Variants in DDX10 observed in about 807,000 individuals in gnomAD.
DDX10 encodes DEAD-box helicase 10.
A neutral mutation model predicts 104.3 loss-of-function variants in DDX10; 74 were observed. That is an observed-to-expected ratio of 0.71 (90% CI 0.59 to 0.86). DDX10 has a LOEUF of 0.86. Ranked by LOEUF, DDX10 falls within the 40% of genes least tolerant of loss-of-function variation. DDX10 has a pLI of 0.00. For missense variants in DDX10, 952 were observed against 1,040.0 expected, an observed-to-expected ratio of 0.92 and a Z score of 1.16; for synonymous variants, 351 against 353.4, an observed-to-expected ratio of 0.99 and a Z score of 0.08.
chr11:108,682,012 T>C (rs2094235987), intron 6 of DDX10, among the ~76,000 whole-genome samples: 1 of 152,230 alleles, frequency 6.6e-6, no homozygotes, highest in Non-Finnish European at 1.5e-5. Flanking sequence ...TAATTATTTA[T>C]TTGTAATACG....
intron 15 of DDX10, among the ~76,000 whole-genome samples, chr11:108,850,486 G>A (rs750464560): frequency 1.3e-5 from 2 of 152,090 alleles, no homozygotes; most frequent in Admixed American, 1.3e-4. Context: ...CTGATGTGTT[G>A]GAGGAAGATC....
intron 13 of DDX10, among the ~76,000 whole-genome samples, chr11:108,748,227 A>G (rs1016721811): frequency 6.6e-6 from 1 of 152,196 alleles, no homozygotes; most frequent in Non-Finnish European, 1.5e-5. Context: ...GGTCTGGGGA[A>G]CACAGAGATA....
intron 15 of DDX10, among the ~76,000 whole-genome samples, chr11:108,842,776 A>G (rs950467977): frequency 2.0e-5 from 3 of 152,232 alleles, no homozygotes; most frequent in African/African-American, 7.2e-5. Context: ...TATTAAGAGT[A>G]TCAGGAGCTT....
Position 108,797,966 on chromosome 11 carries a change from G to A in DDX10, c.1966-40480G>A, listed in dbSNP as rs562252911. Among the ~76,000 whole-genome samples the A allele has an allele frequency of 4.6e-5, 7 of 152,240 alleles. No homozygotes were observed. The South Asian group carries it at 1.5e-3, about 32-fold the overall frequency. On this transcript the variant is annotated intron_variant, in intron 13 of 17. Coordinates refer to ENST00000322536, the MANE Select transcript of DDX10 (RefSeq NM_004398.4). The stretch of plus-strand genomic sequence containing the variant: ...AGGCTGCATCCTTCCTCTTACCCAT[G>A]GTAGAAACCGCAGTCTCCTCTTCGA...
At chr11:108,868,736 A>G (rs1423043376) in intron 16 of DDX10, among the ~76,000 whole-genome samples, 3 of 152,074 alleles carry the variant, frequency 2.0e-5, no homozygotes, top group African/African-American at 7.2e-5. Flanking sequence ...AAGTCCTTGA[A>G]TTTGTGTCGG....
At chr11:108,687,870 T>C (rs566190353) in intron 6 of DDX10, among the ~76,000 whole-genome samples, 13 of 152,318 alleles carry the variant, frequency 8.5e-5, no homozygotes, top group African/African-American at 2.9e-4. Context: ...GGTTTGTCTG[T>C]CCCTCCTCCT....
intron 4 of DDX10, among the ~76,000 whole-genome samples, chr11:108,678,086 G>A (rs1423336873): frequency 6.6e-6 from 1 of 152,044 alleles, no homozygotes; most frequent in South Asian, 2.1e-4. Flanking sequence ...AAAATCCTGG[G>A]TATGAATAAG....
chr11:108,723,695 G>C (rs912722363), intron 13 of DDX10, among the ~76,000 whole-genome samples: 2 of 152,026 alleles, frequency 1.3e-5, no homozygotes, highest in Non-Finnish European at 2.9e-5. Flanking sequence ...TTATTTACTG[G>C]TTTTCTGATG....
At chr11:108,675,823 A>G in intron 3 of DDX10, 97 bp downstream of exon 3, 1 of 1,439,562 alleles carries the variant, frequency 6.9e-7, no homozygotes, top group Non-Finnish European at 9.5e-7. Context: ...TTCATGTTAG[A>G]TTTCATGATA....
At chr11:108,802,959 C>G (rs951318063) in intron 13 of DDX10, among the ~76,000 whole-genome samples, 16 of 152,156 alleles carry the variant, frequency 1.1e-4, no homozygotes, top group African/African-American at 2.9e-4. Context: ...TTTGCAGCCA[C>G]CATTTTCTAA....
chr11:108,702,200 T>C (rs1392847131), intron 9 of DDX10, among the ~76,000 whole-genome samples: 1 of 152,218 alleles, frequency 6.6e-6, no homozygotes, highest in South Asian at 2.1e-4. Flanking sequence ...AAAAAACTTA[T>C]TTTTAATAAC....
intron 9 of DDX10, among the ~76,000 whole-genome samples, chr11:108,694,014 A>C (rs1408048689): frequency 6.6e-6 from 1 of 152,164 alleles, no homozygotes; most frequent in Non-Finnish European, 1.5e-5. Flanking sequence ...TGAGACAGCT[A>C]AGTAACAAGT....
At chr11:108,695,752 G>A (rs2094258884) in intron 9 of DDX10, among the ~76,000 whole-genome samples, 1 of 145,316 alleles carries the variant, frequency 6.9e-6, no homozygotes, top group South Asian at 2.2e-4. Flanking sequence ...ATGTATGAGT[G>A]TTTAAGTGTT....
At chr11:108,716,320 T>C (rs61338713) in intron 11 of DDX10, among the ~76,000 whole-genome samples, 18,689 of 152,130 alleles carry the variant, frequency 0.12, 1,562 homozygotes, top group East Asian at 0.27. Context: ...AGAGTGGTCT[T>C]GAACTCCTGA....
chr11:108,843,763 A>AAG (rs1226091825), intron 15 of DDX10, among the ~76,000 whole-genome samples: 1 of 151,998 alleles, frequency 6.6e-6, no homozygotes, highest in Non-Finnish European at 1.5e-5. Flanking sequence ...TCGAAAAAAA[A>AAG]AAAAATTGCA....
At position 108,793,007 on chromosome 11, in the gene DDX10, A is replaced by G. The variant is rs188694349; in HGVS notation, c.1966-45439A>G. ...TTAAAGAAAACTCAAAAGATCCAAAATGACAATGTCTAGAAATCGATGACC... is the reference window on the plus strand; with the variant it reads ...TTAAAGAAAACTCAAAAGATCCAAAGTGACAATGTCTAGAAATCGATGACC... On this transcript the variant is annotated intron_variant, in intron 13 of 17. Transcript: ENST00000322536. Among the ~76,000 whole-genome samples, 9 of 152,350 alleles carry G rather than the reference A, an allele frequency of 5.9e-5. No individual in the cohort carries two copies. The East Asian group carries it at 1.7e-3, about 29-fold the overall frequency.
chr11:108,756,657 G>T (rs2134510456), intron 13 of DDX10, among the ~76,000 whole-genome samples: 1 of 152,142 alleles, frequency 6.6e-6, no homozygotes, highest in East Asian at 1.9e-4. Context: ...CTAGAGCTGT[G>T]TATAATTTTC....
At position 108,818,070 on chromosome 11, in the gene DDX10, A is replaced by G. The variant is rs945404248; in HGVS notation, c.1966-20376A>G. ...AGAAACAACGCCACGATATAGCTCA[A>G]GGAAAGCAACTCTGTGGAAACTGAT... On this transcript the variant is annotated intron_variant, in intron 13 of 17. Coordinates refer to ENST00000322536, the MANE Select transcript of DDX10 (RefSeq NM_004398.4). 5.3e-5 allele frequency among the ~76,000 whole-genome samples: 8 copies of G among 152,348 alleles called. 1 individual carries two copies. The highest frequency in any genetic ancestry group is 5.2e-4 in the Admixed American group (8 of 15,308).
intron 13 of DDX10, among the ~76,000 whole-genome samples, chr11:108,776,415 G>C (rs1186368054): frequency 1.3e-5 from 2 of 152,068 alleles, no homozygotes; most frequent in Non-Finnish European, 2.9e-5. Flanking sequence ...TTCTGGGCCT[G>C]TGGTGCATGT....
Sources: gnomAD v4.1 joint callset for allele counts (sites outside exome capture counted in the v4.1 genomes callset) on GRCh38, gnomAD v4.1.1 for gene constraint, MANE v1.5 for transcripts, NCBI Gene and HGNC (gene_info 2026-07-23, HGNC 2026-07-21) for gene names.